Variants in LRRC43 observed in about 807,000 individuals in gnomAD.
LRRC43 encodes leucine rich repeat containing 43, also known as leucine-rich repeat-containing protein 43.
A neutral mutation model predicts 64.3 loss-of-function variants in LRRC43; 62 were observed. The observed-to-expected ratio is 0.96, with a 90% CI of 0.79 to 1.19. The LOEUF is 1.19. LRRC43 is among the 50% of genes most tolerant of loss of function. The pLI is 0.00. For missense variants in LRRC43, 868 were observed against 845.0 expected (o/e 1.03, Z -0.34); for synonymous variants, 422 against 382.3 (o/e 1.10, Z -1.21).
intron 4 of LRRC43, among the ~76,000 whole-genome samples, chr12:122,188,160 G>A (rs1424667219): frequency 2.0e-5 from 3 of 152,022 alleles, no homozygotes; most frequent in Non-Finnish European, 4.4e-5. Context: ...AGGCTGGAGC[G>A]CATTGGCGCC....
rs193035379 is a variant in LRRC43 at position 122,171,260 on chromosome 12, C to G, written c.-406+3478C>G. Among the ~76,000 whole-genome samples, 12 of 152,334 alleles carry G rather than the reference C, an allele frequency of 7.9e-5. 1 individual carries two copies. The highest frequency in any genetic ancestry group is 1.3e-4 in the Non-Finnish European group (9 of 68,022). On this transcript the variant is annotated intron_variant, in intron 1 of 5. Coordinates refer to the LRRC43 transcript ENST00000537729. ...GCTCAGGCTGGAAACTGGGCTCCAC[C>G]CCTTAACAGCTGTGTGGCCTTGAGC...
At chr12:122,187,927 C>T (rs1230638408) in intron 4 of LRRC43, 87 bp downstream of exon 4, 5 of 1,412,630 alleles carry the variant, frequency 3.5e-6, no homozygotes, top group Non-Finnish European at 4.9e-6. Context: ...GAGAACTCAG[C>T]TTTGGTCTTT....
intron 2 of LRRC43, among the ~76,000 whole-genome samples, chr12:122,185,248 G>T (rs1953630378): frequency 6.6e-6 from 1 of 152,198 alleles, no homozygotes; most frequent in South Asian, 2.1e-4. Context: ...GCTGAGGCAG[G>T]AGGATCGTGT....
chr12:122,202,839 C>T (rs1322225587), intron 11 of LRRC43, among the ~76,000 whole-genome samples: 3 of 152,232 alleles, frequency 2.0e-5, no homozygotes, highest in South Asian at 4.2e-4. Flanking sequence ...CGCCTGTGAT[C>T]CTAGCACGTT....
Position 122,191,479 on chromosome 12 carries a change from C to T in LRRC43, c.1001C>T (p.Pro334Leu). The T allele has an allele frequency of 6.2e-7, 1 of 1,614,148 alleles. No individual in the cohort carries two copies. Among genetic ancestry groups the T allele is most frequent in the Non-Finnish European group, 8.5e-7 (1 of 1,180,024 alleles). The change falls in exon 6 of 12, where the codon CCT (proline) becomes CTT (leucine). Residue 334 changes from proline (P) to leucine (L), a missense_variant. Transcript: ENST00000339777. ...GACCCGGAACCCAGGCCCGAAGGCC[C>T]TTTCATCACTTACAACTATTACGTG... ...VLDPEPRPEG[P>L]FITYNYYVTY...
upstream of LRRC43, among the ~76,000 whole-genome samples, chr12:122,178,592 T>C (rs539220314): frequency 8.7e-5 from 12 of 137,556 alleles, no homozygotes; most frequent in African/African-American, 3.0e-4. Context: ...CTTTTTTTTT[T>C]TTTTTTTTTT....
Position 122,190,263 on chromosome 12 carries a change from T to A in LRRC43, c.796T>A (p.Tyr266Asn). ...QGNPLALVPYYRGLTIDSLAQ... is the reference protein window; with the variant it reads ...QGNPLALVPYNRGLTIDSLAQ... Reference sequence around the variant, plus strand: ...AAACCCACTGGCCTTGGTGCCCTACTACCGCGGCCTCACCATCGACAGCCT... The same window carrying A: ...AAACCCACTGGCCTTGGTGCCCTACAACCGCGGCCTCACCATCGACAGCCT... Residue 266 changes from tyrosine (Y) to asparagine (N), a missense_variant, in exon 5 of 12, where the codon TAC becomes AAC. Coordinates refer to ENST00000339777, the MANE Select transcript of LRRC43 (RefSeq NM_001098519.2). The A allele has an allele frequency of 1.2e-6, 2 of 1,614,194 alleles. No individual in the cohort carries two copies. The highest frequency in any genetic ancestry group is 2.2e-5 in the East Asian group (1 of 44,874).
At position 122,201,216 on chromosome 12, in the gene LRRC43, G is replaced by A. The variant is rs148912673; in HGVS notation, c.1810-80G>A. The A allele has an allele frequency of 9.5e-3, 13,696 of 1,439,774 alleles. 219 individuals carry two copies. Among genetic ancestry groups the A allele is most frequent in the South Asian group, 0.053 (4,612 of 86,208 alleles). The allele number at this position is 1,439,774 out of a possible 1,614,324, so 89.2% of individuals were successfully genotyped here. A position where few individuals can be genotyped will look rare whatever the true frequency, so the allele number is the denominator to read the frequency against. On this transcript the variant is annotated intron_variant, in intron 10 of 11. Coordinates refer to ENST00000339777, the MANE Select transcript of LRRC43 (RefSeq NM_001098519.2). ...TCCTGGACCTGTCAGAGCCTTGGAGGAGGTGGGGCCCCAGAGACACCCCTT... is the reference window on the plus strand; with the variant it reads ...TCCTGGACCTGTCAGAGCCTTGGAGAAGGTGGGGCCCCAGAGACACCCCTT...
At position 122,200,045 on chromosome 12, in the gene LRRC43, G is replaced by A. The variant is rs1277389776; in HGVS notation, c.1350-144G>A. On this transcript the variant is annotated intron_variant, in intron 7 of 11. Transcript: ENST00000339777. This position sits in a 1 kb window ranked among gnomAD's most constrained non-coding sequence, Gnocchi z 4.6. ...CCTTCTGGTCCCCTTGCCCTGCCTG[G>A]TGGCAGCCGGACCTCACGTCTCATG... 4 of 837,372 alleles carry A rather than the reference G, an allele frequency of 4.8e-6. No individual in the cohort carries two copies. The highest frequency in any genetic ancestry group is 5.1e-5 in the East Asian group (2 of 39,018). 51.9% of individuals were successfully genotyped at this position (837,372 alleles called of 1,614,324 possible). A position where few individuals can be genotyped will look rare whatever the true frequency, so the allele number is the denominator to read the frequency against.
At chr12:122,201,005 A>G (rs1953832964) in intron 10 of LRRC43, 71 bp downstream of exon 10, 2 of 1,507,466 alleles carry the variant, frequency 1.3e-6, no homozygotes, top group East Asian at 2.3e-5. Flanking sequence ...GCGGGCAAGC[A>G]AGGGCTGTGG....
chr12:122,172,341 C>G, intron 1 of LRRC43: 1 of 1,114,104 alleles, frequency 9.0e-7, no homozygotes, highest in Non-Finnish European at 1.3e-6. Flanking sequence ...CGGCAGAGTT[C>G]CCACACTTAG....
chr12:122,169,715 C>CAAA (rs1156784202), intron 1 of LRRC43, among the ~76,000 whole-genome samples: 20 of 49,410 alleles, frequency 4.0e-4, no homozygotes, highest in South Asian at 8.3e-4. Flanking sequence ...GACTCCGTCT[C>CAAA]AAAAAAAAAA....
intron 3 of LRRC43, 118 bp from the exon 4 acceptor site, chr12:122,187,583 G>C: frequency 1.2e-6 from 1 of 800,554 alleles, no homozygotes; most frequent in Non-Finnish European, 1.9e-6. Context: ...TGCCAGGGAG[G>C]CCAGGTGTGA....
chr12:122,178,462 C>T (rs1227757527), upstream of LRRC43, among the ~76,000 whole-genome samples: 2 of 151,960 alleles, frequency 1.3e-5, no homozygotes, highest in East Asian at 3.9e-4. Context: ...CCCAGTGATA[C>T]CTCAAAATCA....
chr12:122,172,431 G>C, intron 1 of LRRC43: 1 of 1,613,238 alleles, frequency 6.2e-7, no homozygotes, highest in Non-Finnish European at 8.5e-7. Context: ...GGCCTGTTGG[G>C]CTCCAGAGGT....
intron 3 of LRRC43, 35 bp from the exon 4 acceptor site, chr12:122,187,665 GC>G (rs776455413): frequency 3.1e-6 from 5 of 1,606,316 alleles, no homozygotes; most frequent in Admixed American, 1.7e-5. Context: ...CTGACTTGGG[GC>G]CCCATCGTCC....
upstream of LRRC43, among the ~76,000 whole-genome samples, chr12:122,180,030 A>G (rs1391918548): frequency 6.6e-6 from 1 of 151,926 alleles, no homozygotes; most frequent in African/African-American, 2.4e-5. Flanking sequence ...ACATGTTGTC[A>G]TGGAATAAGA....
intron 1 of LRRC43, chr12:122,172,116 ATAAAT>A: frequency 3.6e-6 from 1 of 278,146 alleles, no homozygotes; most frequent in Non-Finnish European, 6.8e-6. Context: ...ATAAATATCA[ATAAAT>A]TAACATAGCT....
chr12:122,172,565 G>A (rs1207841304), intron 1 of LRRC43: 1 of 1,614,070 alleles, frequency 6.2e-7, no homozygotes, highest in Non-Finnish European at 8.5e-7. Flanking sequence ...CTTGAAATAT[G>A]AGTTTGTCGA....
Sources: gnomAD v4.1 joint callset for allele counts (sites outside exome capture counted in the v4.1 genomes callset) on GRCh38, gnomAD v4.1.1 for gene constraint, Gnocchi (gnomAD v3.1) non-coding constraint, MANE v1.5 for transcripts, NCBI Gene and HGNC (gene_info 2026-07-23, HGNC 2026-07-21) for gene names.